CTNND2: variants seen among roughly 807,000 people sequenced by gnomAD.
CTNND2 encodes the protein catenin delta 2.
A neutral mutation model predicts 144.4 loss-of-function variants in CTNND2; 22 were observed. The observed-to-expected ratio is 0.15, with a 90% CI of 0.11 to 0.22. The LOEUF is 0.22. Among genes scored for constraint, CTNND2 ranks in the 10% least tolerant of loss-of-function variants. CTNND2 has a pLI of 1.00. For synonymous variants in CTNND2, 751 were observed against 695.6 expected, an observed-to-expected ratio of 1.08 and a Z score of -1.25; for missense variants, 1,353 against 1,618.8, an observed-to-expected ratio of 0.84 and a Z score of 2.82.
intron 1 of CTNND2, among the ~76,000 whole-genome samples, chr5:11,747,330 T>C (rs1027789706): frequency 6.6e-6 from 1 of 152,156 alleles, no homozygotes; most frequent in Non-Finnish European, 1.5e-5. Flanking sequence ...ATTTGACTCT[T>C]CCAGAATAAA....
At chr5:11,696,384 C>G (rs1219107155) in intron 2 of CTNND2, among the ~76,000 whole-genome samples, 1 of 152,176 alleles carries the variant, frequency 6.6e-6, no homozygotes, top group South Asian at 2.1e-4. Flanking sequence ...TGGAATCAGC[C>G]TTGGGCTATA....
intron 11 of CTNND2, among the ~76,000 whole-genome samples, chr5:11,184,547 G>C (rs1735426781): frequency 6.6e-6 from 1 of 152,134 alleles, no homozygotes; most frequent in Non-Finnish European, 1.5e-5. Flanking sequence ...GTTTGCTATA[G>C]ACTGCTGTAC....
At chr5:11,366,795 A>G (rs1757025658) in intron 7 of CTNND2, among the ~76,000 whole-genome samples, 1 of 152,232 alleles carries the variant, frequency 6.6e-6, no homozygotes, top group African/African-American at 2.4e-5. Context: ...CCTCAAAAAA[A>G]CATCCAATGA....
intron 1 of CTNND2, among the ~76,000 whole-genome samples, chr5:11,806,443 C>A (rs1792004828): frequency 6.6e-6 from 1 of 152,118 alleles, no homozygotes; most frequent in African/African-American, 2.4e-5. Flanking sequence ...ACTACAAGAA[C>A]TTTAAAGTGA....
intron 3 of CTNND2, among the ~76,000 whole-genome samples, chr5:11,444,882 T>C (rs1396931945): frequency 6.6e-6 from 1 of 152,020 alleles, no homozygotes; most frequent in South Asian, 2.1e-4. Flanking sequence ...GGGCCTGGAT[T>C]GGGGTATGTG....
intron 7 of CTNND2, among the ~76,000 whole-genome samples, chr5:11,382,763 A>G (rs993693277): frequency 7.9e-5 from 12 of 151,920 alleles, no homozygotes; most frequent in African/African-American, 2.7e-4. Context: ...CCATCTCTTG[A>G]CCTAACTGCT....
intron 9 of CTNND2, among the ~76,000 whole-genome samples, chr5:11,330,843 T>C (rs529508649): frequency 0.013 from 2,011 of 151,186 alleles, 34 homozygotes; most frequent in African/African-American, 0.047. Flanking sequence ...GTCCAGCCTG[T>C]GTGTGTCTGT....
rs535608786 is a variant in CTNND2 at position 11,510,283 on chromosome 5, T to C, written c.287+54661A>G. Among the ~76,000 whole-genome samples, 11 of 152,186 alleles carry C rather than the reference T, an allele frequency of 7.2e-5. No homozygotes were observed. In the South Asian group the frequency reaches 2.3e-3, roughly 32 times the overall value. ...AAATTTTACTCTAAGATCTAAACCC[T>C]TGGCAACTAAAAAATATGATCTTTG... On this transcript the variant is annotated intron_variant, in intron 3 of 21. Coordinates refer to ENST00000304623, the MANE Select transcript of CTNND2 (RefSeq NM_001332.4).
At chr5:11,862,201 C>T (rs1332240885) in intron 1 of CTNND2, among the ~76,000 whole-genome samples, 1 of 152,136 alleles carries the variant, frequency 6.6e-6, no homozygotes, top group Non-Finnish European at 1.5e-5. Flanking sequence ...AAACTTTTCT[C>T]AAAGATTGTC....
At chr5:11,143,672 G>T (rs536560520) in intron 12 of CTNND2, among the ~76,000 whole-genome samples, 1 of 152,334 alleles carries the variant, frequency 6.6e-6, no homozygotes, top group African/African-American at 2.4e-5. Context: ...AGTAGTTGGG[G>T]TTAGGACTGC....
At chr5:11,025,166 A>G (rs1490109654) in intron 16 of CTNND2, among the ~76,000 whole-genome samples, 1 of 152,214 alleles carries the variant, frequency 6.6e-6, no homozygotes, top group Non-Finnish European at 1.5e-5. Flanking sequence ...GGAGGAATAT[A>G]TTTTAGTCCA....
chr5:11,769,401 T>C (rs868208526), intron 1 of CTNND2, among the ~76,000 whole-genome samples: 2 of 152,212 alleles, frequency 1.3e-5, no homozygotes, highest in Admixed American at 6.5e-5. Context: ...CATTTCACAT[T>C]TGTAATTGCA....
At chr5:11,036,590 T>G (rs1350931506) in intron 16 of CTNND2, among the ~76,000 whole-genome samples, 1 of 152,136 alleles carries the variant, frequency 6.6e-6, no homozygotes, top group Non-Finnish European at 1.5e-5. Flanking sequence ...CTGGCTAATT[T>G]TTTGTATTTT....
intron 20 of CTNND2, among the ~76,000 whole-genome samples, chr5:10,984,634 G>A (rs960277736): frequency 1.3e-5 from 2 of 151,874 alleles, no homozygotes; most frequent in African/African-American, 2.4e-5. Flanking sequence ...TTACAGACAC[G>A]TGAGGCAGAG....
intron 3 of CTNND2, among the ~76,000 whole-genome samples, chr5:11,439,368 A>T (rs1043376146): frequency 7.2e-5 from 11 of 152,194 alleles, no homozygotes; most frequent in African/African-American, 2.7e-4. Context: ...TCTTCGGTCC[A>T]CTATTTGGCC....
chr5:11,215,129 T>A (rs188016423), intron 10 of CTNND2, among the ~76,000 whole-genome samples: 1 of 152,316 alleles, frequency 6.6e-6, no homozygotes, highest in African/African-American at 2.4e-5. Context: ...CTACTGACTT[T>A]GAACTTCTGC....
chr5:11,362,484 G>A (rs545557924), intron 8 of CTNND2, among the ~76,000 whole-genome samples: 7 of 152,212 alleles, frequency 4.6e-5, no homozygotes, highest in South Asian at 4.1e-4. Context: ...CAGAGTTTGC[G>A]GCTTTATGCT....
chr5:11,746,100 C>T (rs1402143978), intron 1 of CTNND2, among the ~76,000 whole-genome samples: 2 of 152,162 alleles, frequency 1.3e-5, no homozygotes, highest in African/African-American at 2.4e-5. Context: ...CTGGCCCACA[C>T]ATCTCCACTC....
chr5:11,558,776 G>A (rs935770814), intron 3 of CTNND2, among the ~76,000 whole-genome samples: 2 of 152,156 alleles, frequency 1.3e-5, no homozygotes, highest in African/African-American at 4.8e-5. Context: ...ACCTGTGACT[G>A]AGGTCTCGAT....
Sources: allele counts gnomAD v4.1 joint callset (sites outside exome capture counted in the v4.1 genomes callset), GRCh38; gene constraint gnomAD v4.1.1; transcripts MANE v1.5; gene names NCBI Gene and HGNC (gene_info 2026-07-23, HGNC 2026-07-21).